The following IARS1 variants were observed in gnomAD, a reference collection of about 807,000 sequenced individuals.
IARS1 encodes the protein isoleucyl-tRNA synthetase 1.
In IARS1, 124 loss-of-function variants were observed where a neutral mutation model predicts 168.2. That is an observed-to-expected ratio of 0.74 (90% CI 0.64 to 0.86). IARS1 has a LOEUF of 0.86. IARS1 is among the 40% of genes least tolerant of loss of function. The pLI is 0.00. For synonymous variants in IARS1, 532 were observed against 529.4 expected (o/e 1.00, Z -0.07); for missense variants, 1,452 against 1,515.8 (o/e 0.96, Z 0.70).
intron 17 of IARS1, 149 bp from the exon 18 acceptor site, chr9:92,260,383 C>T (rs978060726): frequency 2.1e-5 from 14 of 653,042 alleles, no homozygotes; most frequent in African/African-American, 7.1e-5. Context: ...AGGCCGGGCG[C>T]GGTGGCTCAC....
At chr9:92,287,182 A>C (rs1448089629) in intron 4 of IARS1, among the ~76,000 whole-genome samples, 1 of 152,238 alleles carries the variant, frequency 6.6e-6, no homozygotes, top group Non-Finnish European at 1.5e-5. Context: ...TAAATCAGGA[A>C]ACCTCACACA....
chr9:92,253,429 G>GGCACCACAGTATA lies in IARS1; in HGVS notation c.2149_2161dup (p.Pro721LeufsTer20). The GGCACCACAGTATA allele has an allele frequency of 6.2e-7, 1 of 1,613,338 alleles. No individual in the cohort carries two copies. The highest frequency in any genetic ancestry group is 1.1e-5 in the South Asian group (1 of 91,074). ...AATATCTACAAACTTGACCAGGCGAGGCACCACAGTATAAAGCCTATAAGC... is the reference window on the plus strand; with the variant it reads ...AATATCTACAAACTTGACCAGGCGAGGCACCACAGTATAGCACCACAGTATAAAGCCTATAAGC... On this transcript the variant is annotated frameshift_variant, in exon 21 of 34. Coordinates refer to ENST00000443024, the MANE Select transcript of IARS1 (RefSeq NM_002161.6). LOFTEE classifies it high-confidence loss of function.
At chr9:92,211,456 G>A (rs1409355843) in intron 33 of IARS1, among the ~76,000 whole-genome samples, 1 of 152,120 alleles carries the variant, frequency 6.6e-6, no homozygotes, top group African/African-American at 2.4e-5. Context: ...CTCCTAGCAG[G>A]TTACTGAACC....
In IARS1 at chr9:92,250,282, A is replaced by G; in HGVS notation, c.2437T>C (p.Leu813=). 6.3e-7 allele frequency: 1 copy of G among 1,592,772 alleles called. No homozygotes were observed. Among genetic ancestry groups the G allele is most frequent in the Non-Finnish European group, 8.6e-7 (1 of 1,160,688 alleles). The part of the protein sequence containing the change: ...YLMLPRVREE[L]IDKKTESAVS... ...GCACTCTCTGTTTTCTTGTCAATCA[A>G]TTCTTCTCTGAGTGGTAGAGGTAGG... The change falls in exon 24 of 34, where the codon TTG becomes CTG. Residue 813 remains leucine (L), a synonymous_variant. Transcript: ENST00000443024.
chr9:92,217,336 T>C (rs1286090521), intron 33 of IARS1, among the ~76,000 whole-genome samples: 1 of 142,810 alleles, frequency 7.0e-6, no homozygotes, highest in Non-Finnish European at 1.5e-5. Context: ...GATCCAAAAT[T>C]GACACCCTAA....
chr9:92,210,822 T>A lies in IARS1; in HGVS notation c.3774A>T (p.Thr1258=). 1 of 1,608,840 alleles carries A rather than the reference T, an allele frequency of 6.2e-7. No individual in the cohort carries two copies. Among genetic ancestry groups the A allele is most frequent in the Non-Finnish European group, 8.5e-7 (1 of 1,175,132 alleles). Residue 1258 remains threonine (T), a synonymous_variant, in exon 34 of 34, where the codon ACA becomes ACT. Coordinates refer to ENST00000443024, the MANE Select transcript of IARS1 (RefSeq NM_002161.6). ...MKTVYVSVLP[T]TADF is the part of the protein sequence containing the mutation. ...TAAGTACATGCTAGAAGTCTGCTGT[T>A]GTTGGTAACACAGAAACATACACAG...
chr9:92,210,890 C>G lies in IARS1; in HGVS notation c.3707-1G>C. ...TTCACGGGGATGTCTTCTGTAATTT[C>G]TAGAATGGAAAGAAAAAGTTGAAAA... On this transcript the variant is annotated splice_acceptor_variant, in intron 33 of 33. Transcript: ENST00000443024. LOFTEE classifies it high-confidence loss of function. 1 of 1,592,948 alleles carries G rather than the reference C, an allele frequency of 6.3e-7. No homozygotes were observed. The highest frequency in any genetic ancestry group is 8.6e-7 in the Non-Finnish European group (1 of 1,160,936).
intron 6 of IARS1, among the ~76,000 whole-genome samples, chr9:92,283,913 GCTGACAC>G (rs1276996338): frequency 1.3e-5 from 2 of 152,194 alleles, no homozygotes; most frequent in Non-Finnish European, 2.9e-5. Flanking sequence ...AGGTGCAGTG[GCTGACAC>G]CTGTAATCCC....
At chr9:92,217,837 C>T (rs2133357765) in intron 33 of IARS1, among the ~76,000 whole-genome samples, 1 of 152,052 alleles carries the variant, frequency 6.6e-6, no homozygotes, top group Admixed American at 6.5e-5. Context: ...CCGAATTCTA[C>T]CAGAGGTACA....
chr9:92,244,513 A>C (rs989177786), intron 27 of IARS1, among the ~76,000 whole-genome samples: 2 of 149,572 alleles, frequency 1.3e-5, no homozygotes, highest in African/African-American at 2.5e-5. Context: ...AAAAATATTG[A>C]TCCTGGAATC....
rs150301572 is a variant in IARS1, at chr9:92,245,016, G to A, written c.2847C>T (p.Tyr949=). The A allele has an allele frequency of 2.8e-5, 45 of 1,614,060 alleles. No individual in the cohort carries two copies. Among genetic ancestry groups the A allele is most frequent in the Non-Finnish European group, 3.3e-5 (39 of 1,180,028 alleles). The part of the protein sequence containing the change: ...ELHDEDIRLM[Y]TFDQATGGTA... ...TCCCACCTGTGGCCTGATCAAAGGT[G>A]TACATGAGGCGGATGTCTTCATCGT... Residue 949 remains tyrosine, a synonymous_variant, in exon 27 of 34, where the codon TAC becomes TAT. Coordinates refer to ENST00000443024, the MANE Select transcript of IARS1 (RefSeq NM_002161.6).
chr9:92,216,670 CAAA>C (rs1838755660), intron 33 of IARS1, among the ~76,000 whole-genome samples: 1 of 129,092 alleles, frequency 7.7e-6, no homozygotes, highest in Non-Finnish European at 1.6e-5. Flanking sequence ...TCAAAAGAGA[CAAA>C]GAAGGCCATT....
At chr9:92,219,261 C>G (rs1466420220) in intron 33 of IARS1, among the ~76,000 whole-genome samples, 3 of 152,066 alleles carry the variant, frequency 2.0e-5, no homozygotes, top group African/African-American at 7.2e-5. Flanking sequence ...ACACCTTATA[C>G]AAAAATCAAG....
intron 26 of IARS1, 86 bp downstream of exon 26, chr9:92,247,291 T>A (rs1829347657): frequency 8.3e-7 from 1 of 1,210,252 alleles, no homozygotes; most frequent in Admixed American, 2.1e-5. Flanking sequence ...AAGGAAAGGA[T>A]GTGATATTAA....
chr9:92,212,785 G>GA (rs573141841), intron 33 of IARS1, among the ~76,000 whole-genome samples: 48 of 152,310 alleles, frequency 3.2e-4, no homozygotes, highest in African/African-American at 1.1e-3. Flanking sequence ...TAGAGTGAAA[G>GA]ACTCATGGAC....
In IARS1 at chr9:92,282,860, AT is replaced by A. The variant is rs35959111; in HGVS notation, c.598-1968del. On this transcript the variant is annotated intron_variant, in intron 6 of 33. Transcript: ENST00000443024. ...CACACATATATATATATATATATAT[AT>A]TTTTTTTTTTTGAGACAGAGTCTAA... Among the ~76,000 whole-genome samples, 389 of 132,822 alleles carry A rather than the reference AT, an allele frequency of 2.9e-3. 2 individuals are homozygous for A. The highest frequency in any genetic ancestry group is 9.6e-3 in the East Asian group (46 of 4,770). The allele number at this position is 132,822 out of a possible 152,430, so 87.1% of individuals were successfully genotyped here.
chr9:92,263,359 C>T (rs1831809525), intron 16 of IARS1, among the ~76,000 whole-genome samples: 1 of 152,150 alleles, frequency 6.6e-6, no homozygotes, highest in African/African-American at 2.4e-5. Flanking sequence ...CACCCAGAAG[C>T]ACCTAGCTGA....
intron 30 of IARS1, among the ~76,000 whole-genome samples, chr9:92,236,107 C>T (rs761260117): frequency 2.2e-4 from 34 of 152,100 alleles, no homozygotes; most frequent in Non-Finnish European, 3.1e-4. Flanking sequence ...CTCAGCCTCC[C>T]GAGTAGGCTG....
rs533009426 is a variant in IARS1 at position 92,265,488 on chromosome 9, G to A, written c.1497C>T (p.His499=). 2.1e-5 allele frequency: 34 copies of A among 1,613,536 alleles called. No individual in the cohort carries two copies. In the South Asian group the frequency reaches 3.2e-4, roughly 15 times the overall value. The change falls in exon 15 of 34, where the codon CAC becomes CAT. Residue 499 remains histidine (H), a synonymous_variant. Transcript: ENST00000443024. ...ELSGAKISDL[H]RESVDHLTIP... ...AACATTTAGAAACTGACCTCTCTCTGTGGAGATCTGAGATCTTTGCTCCTG... is the reference window on the plus strand; with the variant it reads ...AACATTTAGAAACTGACCTCTCTCTATGGAGATCTGAGATCTTTGCTCCTG...
Sources: allele counts gnomAD v4.1 joint callset (sites outside exome capture counted in the v4.1 genomes callset), GRCh38; gene constraint gnomAD v4.1.1; transcripts MANE v1.5; gene names NCBI Gene and HGNC (gene_info 2026-07-23, HGNC 2026-07-21).